DGKB: variants seen among roughly 807,000 people sequenced by gnomAD.
The protein encoded by DGKB is 90 kDa diacylglycerol kinase.
Under a neutral mutation model 114.3 loss-of-function variants are expected in DGKB, and 67 were observed. The observed-to-expected ratio is 0.59, with a 90% CI of 0.48 to 0.72. DGKB has a LOEUF of 0.72. Ranked by LOEUF, DGKB falls within the 30% of genes least tolerant of loss-of-function variation. The pLI, the probability that DGKB is intolerant of heterozygous loss-of-function variation, is 0.00. For synonymous variants in DGKB, 398 were observed against 323.1 expected, an observed-to-expected ratio of 1.23 and a Z score of -2.49; for missense variants, 907 against 975.2, an observed-to-expected ratio of 0.93 and a Z score of 0.93.
At chr7:14,633,248 A>G (rs1810087765) in intron 13 of DGKB, among the ~76,000 whole-genome samples, 1 of 151,868 alleles carries the variant, frequency 6.6e-6, no homozygotes, top group Non-Finnish European at 1.5e-5. Context: ...TGAAAATAAA[A>G]AAGCAGTTTG....
chr7:14,830,911 A>T (rs1846322906), intron 2 of DGKB, among the ~76,000 whole-genome samples: 1 of 151,962 alleles, frequency 6.6e-6, no homozygotes, highest in East Asian at 1.9e-4. Flanking sequence ...GTGTGCACAC[A>T]CATGCACATG....
chr7:14,389,962 A>C (rs1821071284), intron 21 of DGKB, among the ~76,000 whole-genome samples: 1 of 152,162 alleles, frequency 6.6e-6, no homozygotes, highest in South Asian at 2.1e-4. Context: ...CATCCCATTC[A>C]ACCCCCTTTA....
chr7:14,815,334 T>A (rs966568184), intron 2 of DGKB: 1 of 152,238 alleles, frequency 6.6e-6, no homozygotes, highest in South Asian at 2.1e-4. Flanking sequence ...CCTAAATTAG[T>A]AGAGTCCTTG....
chr7:14,310,409 G>A (rs1805193361), intron 23 of DGKB, among the ~76,000 whole-genome samples: 1 of 152,058 alleles, frequency 6.6e-6, no homozygotes, highest in African/African-American at 2.4e-5. Context: ...ATTTCGCAAT[G>A]AGAAGGAAGA....
At chr7:14,962,636 T>TTTGTG (rs1786920345) in intron 1 of DGKB, among the ~76,000 whole-genome samples, 6 of 141,940 alleles carry the variant, frequency 4.2e-5, no homozygotes, top group African/African-American at 7.6e-5. Flanking sequence ...GTGTGTGTGT[T>TTTGTG]TGTGTGTGTG....
At chr7:14,910,188 C>A (rs1783911671) in intron 1 of DGKB, among the ~76,000 whole-genome samples, 1 of 150,734 alleles carries the variant, frequency 6.6e-6, no homozygotes, top group Non-Finnish European at 1.5e-5. Flanking sequence ...TTGCAGTGAT[C>A]CGAGATTGCG....
chr7:14,936,496 CTCTT>C (rs1295835053), intron 1 of DGKB, among the ~76,000 whole-genome samples: 5 of 152,146 alleles, frequency 3.3e-5, no homozygotes, highest in South Asian at 2.1e-4. Context: ...CTCTAAAGTA[CTCTT>C]TCTATTTCTT....
intron 23 of DGKB, among the ~76,000 whole-genome samples, chr7:14,303,962 C>T (rs1403928266): frequency 6.6e-6 from 1 of 151,428 alleles, no homozygotes; most frequent in African/African-American, 2.4e-5. Flanking sequence ...TTTAATGAAA[C>T]CCTGGATTAG....
chr7:14,244,634 C>A lies in DGKB; in HGVS notation c.2123-66483G>T, dbSNP rs1794182473. Among the ~76,000 whole-genome samples the A allele has an allele frequency of 1.6e-5, 2 of 128,530 alleles. 1 individual carries two copies. The highest frequency in any genetic ancestry group is 1.9e-4 in the Admixed American group (2 of 10,558). 84.3% of individuals were successfully genotyped at this position (128,530 alleles called of 152,430 possible). ...GCAGTGAGCTGAGATCACGCCACTG[C>A]AATCCAGCCTGGGTGACAGAGTGAG... On this transcript the variant is annotated intron_variant, in intron 23 of 25. Transcript: ENST00000402815.
chr7:14,405,947 C>T (rs940410476), intron 21 of DGKB, among the ~76,000 whole-genome samples: 2 of 151,990 alleles, frequency 1.3e-5, no homozygotes, highest in Non-Finnish European at 2.9e-5. Context: ...AGATTCGCAA[C>T]AGCAGGGAGT....
At chr7:14,972,634 TAAG>T (rs894210661) in intron 1 of DGKB, among the ~76,000 whole-genome samples, 1 of 149,716 alleles carries the variant, frequency 6.7e-6, no homozygotes. Flanking sequence ...ATGCCTCTTA[TAAG>T]AAGATGATTG....
rs144676272 is a variant in DGKB at position 14,376,106 on chromosome 7, T to G, written c.1836-30715A>C. ...TAGAAGTGACTCTCTCCTGCCTCCATAGTTAATTTCTAGAGAGGAAGGCCC... is the reference window on the plus strand; with the variant it reads ...TAGAAGTGACTCTCTCCTGCCTCCAGAGTTAATTTCTAGAGAGGAAGGCCC... On this transcript the variant is annotated intron_variant, in intron 21 of 25. Transcript: ENST00000402815. 5.1e-4 allele frequency among the ~76,000 whole-genome samples: 78 copies of G among 152,258 alleles called. 1 individual carries two copies. The highest frequency in any genetic ancestry group is 1.6e-4 in the Non-Finnish European group (11 of 68,004).
intron 1 of DGKB, among the ~76,000 whole-genome samples, chr7:14,870,624 C>T (rs2358072): frequency 0.41 from 61,646 of 151,706 alleles, 13,293 homozygotes; most frequent in East Asian, 0.63. Context: ...GGTGAAAGTC[C>T]GTCTCTACTA....
intron 25 of DGKB, among the ~76,000 whole-genome samples, chr7:14,150,199 C>T (rs143093487): frequency 2.0e-3 from 297 of 152,136 alleles, no homozygotes; most frequent in African/African-American, 6.0e-3. Flanking sequence ...TAGCGAACTG[C>T]GACTAATACA....
intron 23 of DGKB, among the ~76,000 whole-genome samples, chr7:14,228,418 A>G (rs1791173632): frequency 6.6e-6 from 1 of 152,008 alleles, no homozygotes; most frequent in African/African-American, 2.4e-5. Context: ...ATCTATTGTG[A>G]ATGGGAGTTT....
chr7:14,849,110 T>C (rs1205300511), intron 1 of DGKB, among the ~76,000 whole-genome samples: 1 of 152,066 alleles, frequency 6.6e-6, no homozygotes, highest in East Asian at 1.9e-4. Flanking sequence ...AAATTGATAA[T>C]TAAGAGTTTA....
At chr7:14,158,373 A>G (rs1783355724) in intron 25 of DGKB, among the ~76,000 whole-genome samples, 1 of 152,210 alleles carries the variant, frequency 6.6e-6, no homozygotes, top group Non-Finnish European at 1.5e-5. Flanking sequence ...TTTTACCCAA[A>G]AGAAAGGTTA....
At chr7:14,693,967 C>T (rs1823368245) in intron 9 of DGKB, 108 bp downstream of exon 9, 2 of 1,322,206 alleles carry the variant, frequency 1.5e-6, no homozygotes, top group South Asian at 1.5e-5. Flanking sequence ...CAGGCACTCA[C>T]TGCATGCTTA....
intron 1 of DGKB, among the ~76,000 whole-genome samples, chr7:14,919,296 G>C (rs1187762749): frequency 6.6e-6 from 1 of 151,976 alleles, no homozygotes; most frequent in East Asian, 1.9e-4. Flanking sequence ...ATACAACAGA[G>C]AGCCAAGAAA....
Sources: allele counts gnomAD v4.1 joint callset (sites outside exome capture counted in the v4.1 genomes callset), GRCh38; gene constraint gnomAD v4.1.1; transcripts MANE v1.5; gene names NCBI Gene and HGNC (gene_info 2026-07-23, HGNC 2026-07-21).